Variants in SGIP1 observed in about 807,000 individuals in gnomAD.
SGIP1 encodes the protein SH3-containing GRB2-like protein 3-interacting protein 1.
A neutral mutation model predicts 107.5 loss-of-function variants in SGIP1; 38 were observed. The ratio of observed to expected loss-of-function variants is 0.35; its 90% CI spans 0.27 to 0.46. The LOEUF is 0.46. SGIP1 is among the 20% of genes least tolerant of loss of function. The pLI is 1.00. For synonymous variants in SGIP1, 365 were observed against 366.1 expected (o/e 1.00, Z 0.03); for missense variants, 929 against 1,019.5 (o/e 0.91, Z 1.21).
At chr1:66,626,837 G>A (rs2149324719) in intron 2 of SGIP1, among the ~76,000 whole-genome samples, 1 of 152,198 alleles carries the variant, frequency 6.6e-6, no homozygotes, top group Non-Finnish European at 1.5e-5. Context: ...TAGAATCTCT[G>A]AAAGAAAGTT....
chr1:66,710,652 G>A (rs1408853), intron 18 of SGIP1, among the ~76,000 whole-genome samples: 3,030 of 152,130 alleles, frequency 0.02, 97 homozygotes, highest in African/African-American at 0.069. Context: ...TAAACATCTG[G>A]TCATATAAAC....
intron 18 of SGIP1, among the ~76,000 whole-genome samples, chr1:66,696,030 T>C (rs1295850008): frequency 6.6e-6 from 1 of 152,206 alleles, no homozygotes; most frequent in Admixed American, 6.5e-5. Context: ...ATTAGTAAGT[T>C]TGTTCTGCGT....
intron 7 of SGIP1, among the ~76,000 whole-genome samples, chr1:66,649,316 C>T (rs550034558): frequency 2.6e-5 from 4 of 152,242 alleles, no homozygotes; most frequent in African/African-American, 9.6e-5. Flanking sequence ...TTGTACATAC[C>T]CCCTGAAGGA....
rs566927572 is a variant in SGIP1, at chr1:66,729,887, C to T, written c.1898+468C>T. Among the ~76,000 whole-genome samples, 38 of 152,264 alleles carry T rather than the reference C, an allele frequency of 2.5e-4. No homozygotes were observed. In the South Asian group the frequency reaches 2.9e-3, roughly 12 times the overall value. On this transcript the variant is annotated intron_variant, in intron 20 of 24. Transcript: ENST00000371037. ...CACCATCTCAGCTCTCTGCAACCTCCGCCTCCTGGGTTCAAGTGGTTCTCC... is the reference window on the plus strand; with the variant it reads ...CACCATCTCAGCTCTCTGCAACCTCTGCCTCCTGGGTTCAAGTGGTTCTCC...
At chr1:66,714,962 T>C (rs2150381388) in intron 18 of SGIP1, among the ~76,000 whole-genome samples, 1 of 152,294 alleles carries the variant, frequency 6.6e-6, no homozygotes, top group South Asian at 2.1e-4. Flanking sequence ...TCTGAGGTGC[T>C]ATGGGGGATG....
intron 1 of SGIP1, among the ~76,000 whole-genome samples, chr1:66,554,649 T>C (rs756403744): frequency 2.0e-5 from 3 of 152,156 alleles, no homozygotes; most frequent in Non-Finnish European, 4.4e-5. Flanking sequence ...TTATAAGGTA[T>C]GTATATAAAA....
chr1:66,566,539 T>C (rs2059665836), intron 1 of SGIP1, among the ~76,000 whole-genome samples: 1 of 151,972 alleles, frequency 6.6e-6, no homozygotes, highest in Non-Finnish European at 1.5e-5. Context: ...TTTAAGAGTG[T>C]GTTGACCTGA....
In SGIP1 at chr1:66,681,984, A is replaced by G; in HGVS notation, c.930A>G (p.Glu310=). Reference sequence around the variant, plus strand: ...AGTCTGTTGCTGTTAATGCTGAAGAAAAGTGGGTCCATTTTTCTGATACAT... The same window carrying G: ...AGTCTGTTGCTGTTAATGCTGAAGAGAAGTGGGTCCATTTTTCTGATACAT... ...SPKSVAVNAE[E]KWVHFSDTSP... The change falls in exon 15 of 25, where the codon GAA becomes GAG. Residue 310 remains glutamate (E), a synonymous_variant. Coordinates refer to ENST00000371037, the MANE Select transcript of SGIP1 (RefSeq NM_032291.4). The G allele has an allele frequency of 6.2e-7, 1 of 1,614,244 alleles. No individual in the cohort carries two copies. Among genetic ancestry groups the G allele is most frequent in the Non-Finnish European group, 8.5e-7 (1 of 1,180,050 alleles).
At chr1:66,633,952 A>T in intron 3 of SGIP1, 1 of 716,754 alleles carries the variant, frequency 1.4e-6, no homozygotes. Context: ...TTTTCCTTCC[A>T]CACTTGACTC....
chr1:66,703,127 C>A (rs2092132531), intron 18 of SGIP1, among the ~76,000 whole-genome samples: 1 of 152,178 alleles, frequency 6.6e-6, no homozygotes, highest in East Asian at 1.9e-4. Context: ...TTCAGTGCTT[C>A]ACAACCAGTC....
chr1:66,566,512 C>T (rs1347927769), intron 1 of SGIP1, among the ~76,000 whole-genome samples: 2 of 151,844 alleles, frequency 1.3e-5, no homozygotes, highest in East Asian at 3.9e-4. Context: ...AGAATCTAGT[C>T]CAGTGGAATA....
intron 2 of SGIP1, among the ~76,000 whole-genome samples, chr1:66,629,143 G>C (rs1434619631): frequency 6.6e-6 from 1 of 152,204 alleles, no homozygotes; most frequent in Non-Finnish European, 1.5e-5. Flanking sequence ...GATGCAAACT[G>C]TTTTCAGGGC....
At chr1:66,681,528 C>G (rs957208198) in intron 14 of SGIP1, among the ~76,000 whole-genome samples, 5 of 152,210 alleles carry the variant, frequency 3.3e-5, no homozygotes, top group African/African-American at 1.2e-4. Flanking sequence ...TTCTGTGAAT[C>G]TAATACTGCC....
At chr1:66,625,768 C>A in intron 1 of SGIP1, 79 bp from the exon 2 acceptor site, 1 of 1,236,246 alleles carries the variant, frequency 8.1e-7, no homozygotes, top group Non-Finnish European at 1.2e-6. Flanking sequence ...TTAAGTCTAA[C>A]TGGTGTGTTA....
At chr1:66,663,251 C>G (rs2081903974) in intron 8 of SGIP1, among the ~76,000 whole-genome samples, 1 of 152,026 alleles carries the variant, frequency 6.6e-6, no homozygotes, top group African/African-American at 2.4e-5. Context: ...CTCCTGCAAG[C>G]ATTTGGGTTT....
chr1:66,689,221 C>T lies in SGIP1; in HGVS notation c.1389C>T (p.Pro463=). 1 of 1,613,938 alleles carries T rather than the reference C, an allele frequency of 6.2e-7. No individual in the cohort carries two copies. Among genetic ancestry groups the T allele is most frequent in the Non-Finnish European group, 8.5e-7 (1 of 1,179,904 alleles). Residue 463 remains proline (P), a synonymous_variant, in exon 16 of 25, where the codon CCC becomes CCT. Coordinates refer to ENST00000371037, the MANE Select transcript of SGIP1 (RefSeq NM_032291.4). ...GTACCACTCCACCTCCACCTCCTCC[C>T]CGGCCTCCATCCCGGCCAAAGCTAC... is the stretch of plus-strand genomic sequence containing the variant. ...CRSTTPPPPP[P]RPPSRPKLPP...
At chr1:66,558,525 A>AT (rs1329672748) in intron 1 of SGIP1, among the ~76,000 whole-genome samples, 1 of 151,982 alleles carries the variant, frequency 6.6e-6, no homozygotes, top group Admixed American at 6.6e-5. Context: ...ACCCTGAAAG[A>AT]TTATGTTGTA....
chr1:66,663,979 G>GAATGCT (rs1205420515), intron 8 of SGIP1, among the ~76,000 whole-genome samples: 1 of 152,090 alleles, frequency 6.6e-6, no homozygotes, highest in East Asian at 1.9e-4. Flanking sequence ...TTTTGCCTCT[G>GAATGCT]AATGCTTGCA....
chr1:66,727,221 A>G (rs1364027558), intron 19 of SGIP1, among the ~76,000 whole-genome samples: 1 of 152,234 alleles, frequency 6.6e-6, no homozygotes, highest in African/African-American at 2.4e-5. Flanking sequence ...TTGACATTCA[A>G]TAAGAGAACA....
Sources: allele counts gnomAD v4.1 joint callset (sites outside exome capture counted in the v4.1 genomes callset), GRCh38; gene constraint gnomAD v4.1.1; transcripts MANE v1.5; gene names NCBI Gene and HGNC (gene_info 2026-07-23, HGNC 2026-07-21).